SOX18: variants seen among roughly 807,000 people sequenced by gnomAD.
The protein encoded by SOX18 is SRY-box transcription factor 18.
SOX18 carries 2 observed loss-of-function variants against 9.1 expected under a neutral mutation model. The ratio of observed to expected loss-of-function variants is 0.22; its 90% CI spans 0.09 to 0.69. SOX18 has a LOEUF of 0.69. Ranked by LOEUF, SOX18 falls within the 30% of genes least tolerant of loss-of-function variation. The pLI is 0.80. For synonymous variants in SOX18, 292 were observed against 280.5 expected (o/e 1.04, Z -0.41); for missense variants, 542 against 567.3 (o/e 0.96, Z 0.45).
At position 64,049,031 on chromosome 20, in the gene SOX18, G is replaced by C. The variant is rs1422382206; in HGVS notation, c.359-69C>G. 1.1e-5 allele frequency: 16 copies of C among 1,480,172 alleles called. No individual in the cohort carries two copies. In the African/African-American group the frequency reaches 1.5e-4, roughly 14 times the overall value. The allele number at this position is 1,480,172 out of a possible 1,614,324, so 91.7% of individuals were successfully genotyped here. A position where few individuals can be genotyped will look rare whatever the true frequency, so the allele number is the denominator to read the frequency against. ...TGGGCGCCGAGCCCTCCGTGCGCCC[G>C]GGACGCCCCGCGAGGGTTTGGCGCA... is the stretch of plus-strand genomic sequence containing the variant. On this transcript the variant is annotated intron_variant, in intron 1 of 1. Coordinates refer to ENST00000340356, the MANE Select transcript of SOX18 (RefSeq NM_018419.3).
Position 64,048,811 on chromosome 20 carries a change from G to A in SOX18, c.510C>T (p.Pro170=), listed in dbSNP as rs1205076133. 6.4e-6 allele frequency: 10 copies of A among 1,552,442 alleles called. No homozygotes were observed. The highest frequency in any genetic ancestry group is 4.2e-5 in the African/African-American group (3 of 71,220). Residue 170 remains proline (P), a synonymous_variant, in exon 2 of 2, where the codon CCC becomes CCT. Coordinates refer to ENST00000340356, the MANE Select transcript of SOX18 (RefSeq NM_018419.3). ...KQARKARRLE[P]GLLLPGLAPP... ...GCGCTAATCCCGGGAGCAGGAGGCC[G>A]GGCTCCAGCCGCCGGGCCTTGCGCG... is the stretch of plus-strand genomic sequence containing the variant.
Position 64,049,445 on chromosome 20 carries a change from C to T in SOX18, c.72G>A (p.Pro24=), listed in dbSNP as rs1227313603. The change falls in exon 1 of 2, where the codon CCG becomes CCA. Residue 24 remains proline, a synonymous_variant. Transcript: ENST00000340356. ...PPARRDCAWA[P]GHGAAADTRG... ...GCGTGTCAGCGGCGGCCCCGTGTCC[C>T]GGGGCCCATGCACAGTCGCGGCGGG... The T allele has an allele frequency of 4.5e-6, 3 of 672,820 alleles. No homozygotes were observed. The highest frequency in any genetic ancestry group is 5.5e-6 in the Non-Finnish European group (3 of 542,278). The allele number at this position is 672,820 out of a possible 1,614,324, so 41.7% of individuals were successfully genotyped here.
In SOX18 at chr20:64,048,864, T is replaced by C; in HGVS notation, c.457A>G (p.Lys153Glu). ...VQHLRDHPNY[K>E]YRPRRKKQAR... ...TGCTTCTTGCGGCGCGGCCGGTACTTGTAGTTGGGGTGGTCGCGCAAGTGC... is the reference window on the plus strand; with the variant it reads ...TGCTTCTTGCGGCGCGGCCGGTACTCGTAGTTGGGGTGGTCGCGCAAGTGC... The change falls in exon 2 of 2, where the codon AAG (lysine) becomes GAG (glutamate). Residue 153 changes from lysine (K) to glutamate (E), a missense_variant. Lys to Glu is a moderately conservative substitution (Grantham distance 56). Transcript: ENST00000340356. 1 of 1,591,194 alleles carries C rather than the reference T, an allele frequency of 6.3e-7. No individual in the cohort carries two copies.
Position 64,049,246 on chromosome 20 carries a change from C to A in SOX18, c.271G>T (p.Ala91Ser), listed in dbSNP as rs769503574. 3.9e-6 allele frequency: 6 copies of A among 1,531,356 alleles called. No homozygotes were observed. Among genetic ancestry groups the A allele is most frequent in the Non-Finnish European group, 5.3e-6 (6 of 1,134,090 alleles). The allele number at this position is 1,531,356 out of a possible 1,614,324, so 94.9% of individuals were successfully genotyped here. The change falls in exon 1 of 2, where the codon GCC becomes TCC. Residue 91 changes from alanine to serine, a missense_variant. Transcript: ENST00000340356. ...TCGTCCTTTGCCCACACCATGAAGG[C>A]GTTCATGGGCCGCCGGATGCGCGAC... ...DESRIRRPMN[A>S]FMVWAKDERK... is the part of the protein sequence containing the mutation.
Position 64,048,824 on chromosome 20 carries a change from C to T in SOX18, c.497G>A (p.Arg166Gln). 6.4e-7 allele frequency: 1 copy of T among 1,566,936 alleles called. No homozygotes were observed. Among genetic ancestry groups the T allele is most frequent in the Non-Finnish European group, 8.6e-7 (1 of 1,164,494 alleles). Residue 166 changes from arginine (R) to glutamine (Q), a missense_variant, in exon 2 of 2, where the codon CGG becomes CAG. By Grantham distance (43) the Arg-to-Gln change is conservative. Transcript: ENST00000340356. ...PRRKKQARKA[R>Q]RLEPGLLLPG... ...GAGCAGGAGGCCGGGCTCCAGCCGCCGGGCCTTGCGCGCCTGCTTCTTGCG... is the reference window on the plus strand; with the variant it reads ...GAGCAGGAGGCCGGGCTCCAGCCGCTGGGCCTTGCGCGCCTGCTTCTTGCG...
chr20:64,049,180 C>G lies in SOX18; in HGVS notation c.337G>C (p.Ala113Pro). 2 of 1,492,168 alleles carry G rather than the reference C, an allele frequency of 1.3e-6. No homozygotes were observed. The highest frequency in any genetic ancestry group is 1.8e-6 in the Non-Finnish European group (2 of 1,113,042). 92.4% of individuals were successfully genotyped at this position (1,492,168 alleles called of 1,614,324 possible). Reference sequence around the variant, plus strand: ...TCACCCAGCATCTTGCTGAGCACCGCGTTGTGCAGGTCCGGGTTCTGCTGA... The same window carrying G: ...TCACCCAGCATCTTGCTGAGCACCGGGTTGTGCAGGTCCGGGTTCTGCTGA... Reference protein sequence around the residue: ...LAQQNPDLHNAVLSKMLGKAW... With the variant: ...LAQQNPDLHNPVLSKMLGKAW... The change falls in exon 1 of 2, where the codon GCG becomes CCG. Residue 113 changes from alanine (A) to proline (P), a missense_variant. Physicochemically the swap from Ala to Pro is conservative, Grantham distance 27 (BLOSUM62 -1). Coordinates refer to ENST00000340356, the MANE Select transcript of SOX18 (RefSeq NM_018419.3).
In SOX18 at chr20:64,048,715, C is replaced by G. The variant is rs1221958645; in HGVS notation, c.606G>C (p.Pro202=). The part of the protein sequence containing the change: ...GSARAFRELP[P]LGAEFDGLGL... ...CCAGGCCGTCGAACTCGGCGCCCAG[C>G]GGGGGCAGCTCGCGGAAGGCGCGAG... Residue 202 remains proline (P), a synonymous_variant, in exon 2 of 2, where the codon CCG becomes CCC. Coordinates refer to ENST00000340356, the MANE Select transcript of SOX18 (RefSeq NM_018419.3). 10 of 1,370,156 alleles carry G rather than the reference C, an allele frequency of 7.3e-6. No homozygotes were observed. The East Asian group carries it at 2.4e-4, about 33-fold the overall frequency. 84.9% of individuals were successfully genotyped at this position (1,370,156 alleles called of 1,614,324 possible). A position where few individuals can be genotyped will look rare whatever the true frequency, so the allele number is the denominator to read the frequency against.
rs747844334 is a variant in SOX18, at chr20:64,048,909, C to T, written c.412G>A (p.Ala138Thr). Reference sequence around the variant, plus strand: ...AAGTGCTGCACGCGCAGCCGTTCGGCTTCCTCCACGAAGGGCCGCTTCTCC... The same window carrying T: ...AAGTGCTGCACGCGCAGCCGTTCGGTTTCCTCCACGAAGGGCCGCTTCTCC... ...AAEKRPFVEE[A>T]ERLRVQHLRD... The change falls in exon 2 of 2, where the codon GCC becomes ACC. Residue 138 changes from alanine to threonine, a missense_variant. Physicochemically the swap from Ala to Thr is moderately conservative, Grantham distance 58. Transcript: ENST00000340356. The T allele has an allele frequency of 6.3e-7, 1 of 1,596,982 alleles. No homozygotes were observed. The highest frequency in any genetic ancestry group is 1.7e-5 in the Admixed American group (1 of 59,564).
At position 64,048,909 on chromosome 20, in the gene SOX18, C is replaced by A. The variant is rs747844334; in HGVS notation, c.412G>T (p.Ala138Ser). 17 of 1,596,982 alleles carry A rather than the reference C, an allele frequency of 1.1e-5. No individual in the cohort carries two copies. The South Asian group carries it at 1.7e-4, about 16-fold the overall frequency. The stretch of plus-strand genomic sequence containing the variant: ...AAGTGCTGCACGCGCAGCCGTTCGG[C>A]TTCCTCCACGAAGGGCCGCTTCTCC... ...AAEKRPFVEE[A>S]ERLRVQHLRD... Residue 138 changes from alanine to serine, a missense_variant, in exon 2 of 2, where the codon GCC becomes TCC. Transcript: ENST00000340356.
rs552257190 is a variant in SOX18 at position 64,048,273 on chromosome 20, C to T, written c.1048G>A (p.Ala350Thr). 1.9e-4 allele frequency: 300 copies of T among 1,596,176 alleles called. 2 individuals are homozygous for T. The East Asian group carries it at 6.0e-3, about 32-fold the overall frequency. The change falls in exon 2 of 2, where the codon GCC becomes ACC. Residue 350 changes from alanine to threonine, a missense_variant. Physicochemically the swap from Ala to Thr is moderately conservative, Grantham distance 58. Coordinates refer to ENST00000340356, the MANE Select transcript of SOX18 (RefSeq NM_018419.3). ...GACATGGCGCGCGGGCCCAGTTTGG[C>T]CAGTGCCACGTGGTACGGGAGCCCG... ...APGLPYHVAL[A>T]KLGPRAMSCP...
Position 64,048,624 on chromosome 20 carries a change from G to C in SOX18, c.697C>G (p.Pro233Ala). Residue 233 changes from proline (P) to alanine (A), a missense_variant, in exon 2 of 2, where the codon CCG (proline) becomes GCG (alanine). Coordinates refer to ENST00000340356, the MANE Select transcript of SOX18 (RefSeq NM_018419.3). ...LEPGEAAFFP[P>A]PAAPEDCALR... ...GCGCAGTCCTCGGGCGCCGCGGGCG[G>C]TGGGAAGAAGGCAGCCTCGCCGGGC... The C allele has an allele frequency of 8.0e-7, 1 of 1,255,444 alleles. No individual in the cohort carries two copies. The highest frequency in any genetic ancestry group is 1.0e-6 in the Non-Finnish European group (1 of 1,003,406). 77.8% of individuals were successfully genotyped at this position (1,255,444 alleles called of 1,614,324 possible).
Position 64,048,195 on chromosome 20 carries a change from C to T in SOX18, c.1126G>A (p.Val376Ile), listed in dbSNP as rs1347361797. The T allele has an allele frequency of 1.9e-6, 3 of 1,566,132 alleles. No homozygotes were observed. The highest frequency in any genetic ancestry group is 2.6e-6 in the Non-Finnish European group (3 of 1,158,864). Residue 376 changes from valine (V) to isoleucine (I), a missense_variant, in exon 2 of 2, where the codon GTC becomes ATC. By Grantham distance (29) the Val-to-Ile change is conservative. Transcript: ENST00000340356. ...CCGGAGATGCACGCGCTGTAATAGA[C>T]CGCGCTGCTGGCGTCCGACAGCGCG... The part of the protein sequence containing the change: ...ISALSDASSA[V>I]YYSACISG
In SOX18 at chr20:64,049,533, CT is replaced by C; in HGVS notation, c.-18del. On this transcript the variant is annotated 5_prime_UTR_variant, in exon 1 of 2. Transcript: ENST00000340356. ...TCTCTGCATTCCAGCTGGGCGCGGC[CT>C]GGGCGGAACGGAGCGCGGGAGCGCG... 9.4e-7 allele frequency: 1 copy of C among 1,065,536 alleles called. No individual in the cohort carries two copies. Among genetic ancestry groups the C allele is most frequent in the East Asian group, 6.8e-5 (1 of 14,744 alleles). 66.0% of individuals were successfully genotyped at this position (1,065,536 alleles called of 1,614,324 possible). A position where few individuals can be genotyped will look rare whatever the true frequency, so the allele number is the denominator to read the frequency against.
At position 64,048,059 on chromosome 20, in the gene SOX18, A is replaced by C; in HGVS notation, c.*107T>G. ...TGGCTCCTAGGGGGCTGTGACATGG[A>C]ACCAAACATACACGCGTATGAGAGA... is the stretch of plus-strand genomic sequence containing the variant. On this transcript the variant is annotated 3_prime_UTR_variant, in exon 2 of 2. Coordinates refer to ENST00000340356, the MANE Select transcript of SOX18 (RefSeq NM_018419.3). The C allele has an allele frequency of 3.5e-6, 4 of 1,140,670 alleles. No homozygotes were observed. The highest frequency in any genetic ancestry group is 5.1e-6 in the Non-Finnish European group (4 of 790,128). 70.7% of individuals were successfully genotyped at this position (1,140,670 alleles called of 1,614,324 possible).
Position 64,048,750 on chromosome 20 carries a change from A to G in SOX18, c.571T>C (p.Ser191Pro). The G allele has an allele frequency of 6.9e-7, 1 of 1,449,890 alleles. No homozygotes were observed. The highest frequency in any genetic ancestry group is 9.0e-7 in the Non-Finnish European group (1 of 1,106,648). 89.8% of individuals were successfully genotyped at this position (1,449,890 alleles called of 1,614,324 possible). Reference sequence around the variant, plus strand: ...TCGCGGAAGGCGCGAGCCGAGCCAGACGCCGCGGGGAAAGGCTCGGGCGGT... The same window carrying G: ...TCGCGGAAGGCGCGAGCCGAGCCAGGCGCCGCGGGGAAAGGCTCGGGCGGT... ...QPPPEPFPAA[S>P]GSARAFRELP... The change falls in exon 2 of 2, where the codon TCT becomes CCT. Residue 191 changes from serine (S) to proline (P), a missense_variant. By Grantham distance (74) the Ser-to-Pro change is moderately conservative. Coordinates refer to ENST00000340356, the MANE Select transcript of SOX18 (RefSeq NM_018419.3).
Position 64,048,874 on chromosome 20 carries a change from G to T in SOX18, c.447C>A (p.His149Gln). The T allele has an allele frequency of 6.3e-7, 1 of 1,594,618 alleles. No individual in the cohort carries two copies. The highest frequency in any genetic ancestry group is 8.5e-7 in the Non-Finnish European group (1 of 1,175,400). Residue 149 changes from histidine (H) to glutamine (Q), a missense_variant, in exon 2 of 2, where the codon CAC becomes CAA. Physicochemically the swap from His to Gln is conservative, Grantham distance 24. Coordinates refer to ENST00000340356, the MANE Select transcript of SOX18 (RefSeq NM_018419.3). The stretch of plus-strand genomic sequence containing the variant: ...GGCGCGGCCGGTACTTGTAGTTGGG[G>T]TGGTCGCGCAAGTGCTGCACGCGCA... ...ERLRVQHLRD[H>Q]PNYKYRPRRK...
intron 1 of SOX18, 97 bp downstream of exon 1, chr20:64,049,062 C>G (rs1295302023): frequency 1.0e-4 from 136 of 1,355,020 alleles, no homozygotes; most frequent in Non-Finnish European, 1.3e-4. Context: ...GCGCAGCCCC[C>G]GCACCCCGCG....
rs770276837 is a variant in SOX18, at chr20:64,049,337, G to A, written c.180C>T (p.Arg60=). Residue 60 remains arginine, a synonymous_variant, in exon 1 of 2, where the codon CGC becomes CGT. Coordinates refer to ENST00000340356, the MANE Select transcript of SOX18 (RefSeq NM_018419.3). ...GGCCATAGCGCCCCGGCTCGGGGCT[G>A]CGCGGGGGACTGCGCTGCGGGCTGG... ...SPPSPQRSPP[R]SPEPGRYGLS... 18 of 1,305,036 alleles carry A rather than the reference G, an allele frequency of 1.4e-5. No homozygotes were observed. Among genetic ancestry groups the A allele is most frequent in the Non-Finnish European group, 1.8e-5 (18 of 1,010,302 alleles). The allele number at this position is 1,305,036 out of a possible 1,614,324, so 80.8% of individuals were successfully genotyped here. A position where few individuals can be genotyped will look rare whatever the true frequency, so the allele number is the denominator to read the frequency against.
At position 64,047,951 on chromosome 20, in the gene SOX18, G is replaced by T; in HGVS notation, c.*215C>A. On this transcript the variant is annotated 3_prime_UTR_variant, in exon 2 of 2. Transcript: ENST00000340356. Reference sequence around the variant, plus strand: ...ACACGTGGGAACTCCAGGCACCCTCGCAGGGGCCCCCCGAGGGCAGGTGGC... The same window carrying T: ...ACACGTGGGAACTCCAGGCACCCTCTCAGGGGCCCCCCGAGGGCAGGTGGC... 1 of 603,114 alleles carries T rather than the reference G, an allele frequency of 1.7e-6. No individual in the cohort carries two copies. 37.4% of individuals were successfully genotyped at this position (603,114 alleles called of 1,614,324 possible).
Sources: allele counts gnomAD v4.1 joint callset, GRCh38; gene constraint gnomAD v4.1.1; transcripts MANE v1.5; gene names NCBI Gene and HGNC (gene_info 2026-07-23, HGNC 2026-07-21).